Variants in PPP2R5E observed in about 807,000 individuals in gnomAD.
PPP2R5E encodes the protein serine/threonine-protein phosphatase 2A 56 kDa regulatory subunit epsilon isoform.
In PPP2R5E, 4 loss-of-function variants were observed where a neutral mutation model predicts 65.3. The ratio of observed to expected loss-of-function variants is 0.06; its 90% CI spans 0.03 to 0.14. The LOEUF is 0.14. Ranked by LOEUF, PPP2R5E falls within the 10% of genes least tolerant of loss-of-function variation. PPP2R5E has a pLI of 1.00. For synonymous variants in PPP2R5E, 183 were observed against 187.4 expected, an observed-to-expected ratio of 0.98 and a Z score of 0.19; for missense variants, 274 against 556.1, an observed-to-expected ratio of 0.49 and a Z score of 5.10.
chr14:63,430,377 GCATACATACATACATACATA>G (rs60123490), intron 3 of PPP2R5E, among the ~76,000 whole-genome samples: 2 of 136,950 alleles, frequency 1.5e-5, no homozygotes, highest in African/African-American at 6.4e-5. Context: ...ATACATGCAT[GCATACATACATACATACATA>G]CATGCATACA....
chr14:63,379,852 T>TTC (rs1566660796), intron 13 of PPP2R5E, among the ~76,000 whole-genome samples: 11 of 140,974 alleles, frequency 7.8e-5, no homozygotes, highest in African/African-American at 2.7e-4. Context: ...TTTTTTTTTT[T>TTC]GAGACAGAGT....
intron 2 of PPP2R5E, among the ~76,000 whole-genome samples, chr14:63,512,419 G>T (rs1892502684): frequency 6.6e-6 from 1 of 152,190 alleles, no homozygotes; most frequent in African/African-American, 2.4e-5. Context: ...ATGCTGTATT[G>T]AAAGTCTCTG....
chr14:63,395,322 G>A (rs774457979), intron 6 of PPP2R5E, 37 bp from the exon 7 acceptor site: 2 of 1,437,212 alleles, frequency 1.4e-6, no homozygotes, highest in Non-Finnish European at 1.9e-6. Flanking sequence ...GAAAGGAGGA[G>A]AGGAGGAGGA....
rs1883844146 is a variant in PPP2R5E, at chr14:63,374,083, GCTT to G, written c.*1923_*1925del. On this transcript the variant is annotated 3_prime_UTR_variant, in exon 14 of 14. Coordinates refer to ENST00000337537, the MANE Select transcript of PPP2R5E (RefSeq NM_006246.5). ...TTGCATATGACTTTTTTTTTTTACT[GCTT>G]TTTTTTTTCTTTTTGGAATTAACAA... The G allele has an allele frequency of 8.1e-6, 1 of 123,410 alleles. No homozygotes were observed. The highest frequency in any genetic ancestry group is 1.7e-5 in the Non-Finnish European group (1 of 57,430). The allele number at this position is 123,410 out of a possible 1,614,324, so 7.6% of individuals were successfully genotyped here.
At chr14:63,458,513 A>C (rs897443471) in intron 2 of PPP2R5E, among the ~76,000 whole-genome samples, 1 of 152,210 alleles carries the variant, frequency 6.6e-6, no homozygotes, top group African/African-American at 2.4e-5. Context: ...AAAAATCAGA[A>C]CGTTAAATTC....
At chr14:63,461,273 A>G (rs1212746206) in intron 2 of PPP2R5E, among the ~76,000 whole-genome samples, 1 of 152,116 alleles carries the variant, frequency 6.6e-6, no homozygotes. Flanking sequence ...CAAGAATTAT[A>G]TACAGTATTC....
chr14:63,499,878 T>G (rs1891771812), intron 2 of PPP2R5E, among the ~76,000 whole-genome samples: 1 of 152,228 alleles, frequency 6.6e-6, no homozygotes, highest in African/African-American at 2.4e-5. Context: ...AGCTGACTGG[T>G]AGCAAGTCCT....
intron 2 of PPP2R5E, among the ~76,000 whole-genome samples, chr14:63,468,504 A>C (rs1333982158): frequency 2.6e-5 from 4 of 152,222 alleles, no homozygotes; most frequent in Admixed American, 6.5e-5. Flanking sequence ...AAACTCCTGA[A>C]GGGTGAAGAG....
At chr14:63,439,277 T>A (rs1221268884) in intron 3 of PPP2R5E, among the ~76,000 whole-genome samples, 1 of 152,056 alleles carries the variant, frequency 6.6e-6, no homozygotes, top group East Asian at 1.9e-4. Context: ...AGAGTTATAG[T>A]ATAATAACAA....
intron 5 of PPP2R5E, among the ~76,000 whole-genome samples, chr14:63,412,992 G>A (rs1886485189): frequency 2.0e-5 from 3 of 152,088 alleles, no homozygotes; most frequent in Admixed American, 2.0e-4. Context: ...AGGGTACAAG[G>A]CATAGAGAGG....
intron 2 of PPP2R5E, among the ~76,000 whole-genome samples, chr14:63,499,917 A>G (rs73276588): frequency 0.2 from 30,635 of 152,042 alleles, 3,469 homozygotes; most frequent in African/African-American, 0.3. Flanking sequence ...TCCTAGCCCA[A>G]TATCTCCAGT....
At chr14:63,481,520 T>C (rs963584803) in intron 2 of PPP2R5E, among the ~76,000 whole-genome samples, 4 of 144,288 alleles carry the variant, frequency 2.8e-5, no homozygotes, top group Admixed American at 6.9e-5. Context: ...AAAAAAAAAA[T>C]TGATGCTAAA....
intron 3 of PPP2R5E, among the ~76,000 whole-genome samples, chr14:63,425,303 T>G (rs1887271215): frequency 6.6e-6 from 1 of 152,248 alleles, no homozygotes; most frequent in Non-Finnish European, 1.5e-5. Flanking sequence ...TTCAGATAAC[T>G]ATCAACCTAC....
intron 2 of PPP2R5E, among the ~76,000 whole-genome samples, chr14:63,521,724 G>A (rs1007024103): frequency 5.3e-5 from 8 of 152,116 alleles, no homozygotes; most frequent in African/African-American, 1.9e-4. Context: ...AAGTGCAGAT[G>A]GATGTATAGA....
intron 1 of PPP2R5E, among the ~76,000 whole-genome samples, chr14:63,540,409 CAACAG>C (rs1893847370): frequency 4.4e-5 from 5 of 113,742 alleles, no homozygotes; most frequent in African/African-American, 7.1e-5. Context: ...CCAGCCTGGG[CAACAG>C]AGCAAGAGTC....
chr14:63,536,663 T>G (rs112716806), intron 2 of PPP2R5E, among the ~76,000 whole-genome samples: 292 of 152,308 alleles, frequency 1.9e-3, no homozygotes, highest in African/African-American at 5.9e-3. Flanking sequence ...GTATATGGTA[T>G]GTATATACAC....
At position 63,374,685 on chromosome 14, in the gene PPP2R5E, T is replaced by C. The variant is rs1566657231; in HGVS notation, c.*1324A>G. ...TATATATATAAAATACAGCCCTAGATTTTGTTTTTTTTGTTTTTTTTTCTT... is the reference window on the plus strand; with the variant it reads ...TATATATATAAAATACAGCCCTAGACTTTGTTTTTTTTGTTTTTTTTTCTT... On this transcript the variant is annotated 3_prime_UTR_variant, in exon 14 of 14. Transcript: ENST00000337537. 7.4e-6 allele frequency: 1 copy of C among 135,670 alleles called. No homozygotes were observed. The highest frequency in any genetic ancestry group is 2.0e-4 in the East Asian group (1 of 5,078). 8.4% of individuals were successfully genotyped at this position (135,670 alleles called of 1,614,324 possible).
chr14:63,442,666 T>C (rs7147222), intron 3 of PPP2R5E, among the ~76,000 whole-genome samples: 40,193 of 152,102 alleles, frequency 0.26, 6,204 homozygotes, highest in African/African-American at 0.43. Flanking sequence ...ATTTTACTGT[T>C]ATTGTTAATC....
chr14:63,381,011 C>CCT (rs1555354389), intron 13 of PPP2R5E, among the ~76,000 whole-genome samples: 1 of 152,118 alleles, frequency 6.6e-6, no homozygotes, highest in African/African-American at 2.4e-5. Context: ...ATCTCTGGGT[C>CCT]CTCTAAGGTC....
Sources: gnomAD v4.1 joint callset for allele counts (sites outside exome capture counted in the v4.1 genomes callset) on GRCh38, gnomAD v4.1.1 for gene constraint, MANE v1.5 for transcripts, NCBI Gene and HGNC (gene_info 2026-07-23, HGNC 2026-07-21) for gene names.